The following ARL15 variants were observed in gnomAD, a reference collection of about 807,000 sequenced individuals.
ARL15 encodes the protein ADP-ribosylation factor-like protein 15.
A neutral mutation model predicts 25.2 loss-of-function variants in ARL15; 19 were observed. That is an observed-to-expected ratio of 0.75 (90% CI 0.53 to 1.10). The LOEUF (loss-of-function observed/expected upper bound fraction) is 1.10, where lower values mean the gene tolerates loss of function less well. Among genes scored for constraint, ARL15 ranks in the 50% least tolerant of loss-of-function variants. The probability of loss-of-function intolerance (pLI) is 0.00; values close to 1 mark genes in which losing one functional copy is unlikely to be tolerated. For missense variants in ARL15, 220 were observed against 246.0 expected, an observed-to-expected ratio of 0.89 and a Z score of 0.71; for synonymous variants, 94 against 86.8, an observed-to-expected ratio of 1.08 and a Z score of -0.46.
At chr5:54,019,773 T>G (rs1749536309) in intron 4 of ARL15, among the ~76,000 whole-genome samples, 1 of 152,240 alleles carries the variant, frequency 6.6e-6, no homozygotes, top group Admixed American at 6.5e-5. Flanking sequence ...AAAAGTAATA[T>G]TTATAATTGG....
chr5:54,115,346 T>C (rs1351306787), intron 3 of ARL15, among the ~76,000 whole-genome samples: 1 of 152,100 alleles, frequency 6.6e-6, no homozygotes, highest in East Asian at 1.9e-4. Flanking sequence ...TTGAGATGGG[T>C]TCTCGCTATG....
At chr5:54,118,397 T>C (rs1261387142) in intron 3 of ARL15, among the ~76,000 whole-genome samples, 2 of 152,216 alleles carry the variant, frequency 1.3e-5, no homozygotes, top group African/African-American at 2.4e-5. Context: ...ATTTTCTCAC[T>C]ATTTTTTTGT....
At chr5:54,029,046 G>A (rs561813569) in intron 4 of ARL15, among the ~76,000 whole-genome samples, 4 of 151,650 alleles carry the variant, frequency 2.6e-5, no homozygotes, top group Admixed American at 6.6e-5. Context: ...AAAAAATTAC[G>A]AAGAATTCAT....
intron 1 of ARL15, among the ~76,000 whole-genome samples, chr5:54,179,544 G>A (rs555432579): frequency 6.6e-6 from 1 of 152,220 alleles, no homozygotes; most frequent in South Asian, 2.1e-4. Flanking sequence ...AGTTGGGTGA[G>A]AAATAGCATC....
intron 4 of ARL15, among the ~76,000 whole-genome samples, chr5:54,053,443 A>G (rs1009785562): frequency 6.6e-6 from 1 of 152,200 alleles, no homozygotes; most frequent in Admixed American, 6.5e-5. Flanking sequence ...CTCTCTAAGT[A>G]TGGCTCTCTA....
chr5:54,276,502 T>C (rs1579974932), intron 1 of ARL15, among the ~76,000 whole-genome samples: 1 of 152,198 alleles, frequency 6.6e-6, no homozygotes, highest in Non-Finnish European at 1.5e-5. Context: ...TTTTCTTTTT[T>C]CTCTAGAAGA....
At chr5:54,210,615 T>C (rs1013932073) in intron 1 of ARL15, among the ~76,000 whole-genome samples, 9 of 152,246 alleles carry the variant, frequency 5.9e-5, no homozygotes, top group African/African-American at 2.2e-4. Context: ...TTGAGGCATC[T>C]GGGCCTTAAA....
intron 4 of ARL15, among the ~76,000 whole-genome samples, chr5:54,105,242 G>C (rs1264086616): frequency 6.6e-6 from 1 of 151,906 alleles, no homozygotes; most frequent in Non-Finnish European, 1.5e-5. Context: ...AAGGAACTAA[G>C]GGACAAGGAA....
At chr5:54,211,194 T>A (rs993439492) in intron 1 of ARL15, among the ~76,000 whole-genome samples, 12 of 152,168 alleles carry the variant, frequency 7.9e-5, no homozygotes, top group Non-Finnish European at 1.6e-4. Context: ...TTCCAAAATG[T>A]CACAGAGTGG....
At chr5:53,991,733 C>A (rs887933521) in intron 4 of ARL15, among the ~76,000 whole-genome samples, 5 of 151,908 alleles carry the variant, frequency 3.3e-5, no homozygotes, top group Admixed American at 6.6e-5. Flanking sequence ...AGCAGAGGTT[C>A]CCAAATTTTC....
rs200611932 is a variant in ARL15 at position 54,218,502 on chromosome 5, TTA to T, written c.49-46576_49-46575del. Among the ~76,000 whole-genome samples, 867 of 152,266 alleles carry T rather than the reference TTA, an allele frequency of 5.7e-3. 4 individuals carry two copies. The highest frequency in any genetic ancestry group is 8.1e-3 in the Non-Finnish European group (554 of 68,016). ...ATTTCATAAGCAAGATTGGATGTAT[TTA>T]TGTGTATGTCAATCATAAAGCATCC... On this transcript the variant is annotated intron_variant, in intron 1 of 4. Coordinates refer to ENST00000504924, the MANE Select transcript of ARL15 (RefSeq NM_019087.3).
intron 4 of ARL15, among the ~76,000 whole-genome samples, chr5:53,963,705 G>A (rs1407749182): frequency 6.6e-6 from 1 of 151,920 alleles, no homozygotes; most frequent in African/African-American, 2.4e-5. Context: ...CTTCTCGGGA[G>A]GCTGAGGCAG....
At chr5:53,902,477 ATGGAATATATGTCCCC>A (rs1199202545) in intron 4 of ARL15, among the ~76,000 whole-genome samples, 4 of 152,236 alleles carry the variant, frequency 2.6e-5, no homozygotes, top group Admixed American at 1.3e-4. Flanking sequence ...GGCTTTTGTA[ATGGAATATATGTCCCC>A]TGTCTCAATC....
chr5:54,238,746 A>T (rs1241858442), intron 1 of ARL15, among the ~76,000 whole-genome samples: 1 of 152,234 alleles, frequency 6.6e-6, no homozygotes, highest in East Asian at 1.9e-4. Flanking sequence ...AGGTTGTTGT[A>T]ATAAAGAATG....
chr5:54,069,596 C>A (rs13176287), intron 4 of ARL15, among the ~76,000 whole-genome samples: 1,973 of 138,476 alleles, frequency 0.014, 11 homozygotes, highest in Middle Eastern at 0.024. Context: ...CACGAAAAAA[C>A]CAAAACTTAA....
intron 2 of ARL15, among the ~76,000 whole-genome samples, chr5:54,161,857 C>G (rs887552650): frequency 2.6e-5 from 4 of 152,128 alleles, no homozygotes; most frequent in African/African-American, 9.7e-5. Context: ...CTGCCATCTT[C>G]CACACTGAAG....
At chr5:54,055,925 C>A (rs908236803) in intron 4 of ARL15, among the ~76,000 whole-genome samples, 3 of 152,146 alleles carry the variant, frequency 2.0e-5, no homozygotes, top group African/African-American at 7.2e-5. Flanking sequence ...GGGGACAAAG[C>A]TTTGTGCATC....
intron 4 of ARL15, among the ~76,000 whole-genome samples, chr5:53,908,594 G>A (rs1047348416): frequency 6.6e-6 from 1 of 152,136 alleles, no homozygotes; most frequent in Non-Finnish European, 1.5e-5. Flanking sequence ...AACTGTAAAG[G>A]GTTTGGTACT....
intron 3 of ARL15, among the ~76,000 whole-genome samples, chr5:54,153,488 C>T (rs1286827068): frequency 6.6e-6 from 1 of 152,034 alleles, no homozygotes; most frequent in African/African-American, 2.4e-5. Flanking sequence ...CTTTTAAAAA[C>T]TTTGCATAGA....
Sources: allele counts gnomAD v4.1 joint callset (sites outside exome capture counted in the v4.1 genomes callset), GRCh38; gene constraint gnomAD v4.1.1; transcripts MANE v1.5; gene names NCBI Gene and HGNC (gene_info 2026-07-23, HGNC 2026-07-21).